Variants in SLC25A48 observed in about 807,000 individuals in gnomAD.
The protein encoded by SLC25A48 is solute carrier family 25 member 48, also known as CTC-321K16.1.
A neutral mutation model predicts 32.2 loss-of-function variants in SLC25A48; 29 were observed. The observed-to-expected ratio is 0.90, with a 90% CI of 0.67 to 1.23. The LOEUF is 1.23. SLC25A48 is among the 50% of genes most tolerant of loss of function. SLC25A48 has a pLI of 0.00. For synonymous variants in SLC25A48, 164 were observed against 172.3 expected, an observed-to-expected ratio of 0.95 and a Z score of 0.38; for missense variants, 399 against 422.7, an observed-to-expected ratio of 0.94 and a Z score of 0.49.
chr5:135,880,055 G>A lies in SLC25A48; in HGVS notation c.901G>A (p.Ala301Thr). The A allele has an allele frequency of 6.5e-7, 1 of 1,536,192 alleles. No individual in the cohort carries two copies. Among genetic ancestry groups the A allele is most frequent in the Non-Finnish European group, 8.7e-7 (1 of 1,146,900 alleles). The change falls in exon 7 of 8, where the codon GCT becomes ACT. Residue 301 changes from alanine (A) to threonine (T), a missense_variant. Coordinates refer to ENST00000681962, the MANE Select transcript of SLC25A48 (RefSeq NM_001349336.2). ...CCTTGGGTACGAGCTGTCGCTGCAG[G>A]CTATCCGCGGGGACCACGCAGTGAC... ...MFLGYELSLQ[A>T]IRGDHAVTSP
At chr5:135,700,751 G>C (rs1164580695) in intron 3 of SLC25A48, among the ~76,000 whole-genome samples, 1 of 152,196 alleles carries the variant, frequency 6.6e-6, no homozygotes, top group African/African-American at 2.4e-5. Context: ...TCAGGCTCTG[G>C]GTGCCTACCT....
chr5:135,818,127 T>G lies in SLC25A48; in HGVS notation c.-117+5201T>G, dbSNP rs182257978. On this transcript the variant is annotated intron_variant, in intron 4 of 10. Transcript: ENST00000646290. Reference sequence around the variant, plus strand: ...TCTCTCTCTCTCTCTCTCCCTCTGTTTCTGTTTCTTTCTCTCTCAGCTTTG... The same window carrying G: ...TCTCTCTCTCTCTCTCTCCCTCTGTGTCTGTTTCTTTCTCTCTCAGCTTTG... 9.0e-5 allele frequency among the ~76,000 whole-genome samples: 12 copies of G among 133,112 alleles called. No individual in the cohort carries two copies. The East Asian group carries it at 2.2e-3, about 24-fold the overall frequency. The allele number at this position is 133,112 out of a possible 152,430, so 87.3% of individuals were successfully genotyped here. A position where few individuals can be genotyped will look rare whatever the true frequency, so the allele number is the denominator to read the frequency against.
chr5:135,616,185 G>A (rs151128183), intron 1 of SLC25A48, among the ~76,000 whole-genome samples: 7 of 152,336 alleles, frequency 4.6e-5, no homozygotes, highest in African/African-American at 1.7e-4. Flanking sequence ...TGGGGTTGGA[G>A]CTCCCACATG....
At chr5:135,692,275 C>A (rs111961656) in intron 3 of SLC25A48, among the ~76,000 whole-genome samples, 47 of 146,922 alleles carry the variant, frequency 3.2e-4, no homozygotes, top group African/African-American at 9.4e-4. Context: ...GCCGAGATCA[C>A]ACCACTGCAC....
intron 3 of SLC25A48, among the ~76,000 whole-genome samples, chr5:135,667,384 G>T (rs1753549085): frequency 6.6e-6 from 1 of 152,168 alleles, no homozygotes; most frequent in Admixed American, 6.5e-5. Context: ...GTATGCCAAA[G>T]TACAATGACC....
intron 3 of SLC25A48, among the ~76,000 whole-genome samples, chr5:135,765,474 T>C (rs1447354361): frequency 6.6e-6 from 1 of 151,552 alleles, no homozygotes; most frequent in East Asian, 2.0e-4. Context: ...CACCCCCTTG[T>C]GAAATTGTTG....
chr5:135,714,313 G>C (rs143969624), intron 3 of SLC25A48, among the ~76,000 whole-genome samples: 1 of 152,174 alleles, frequency 6.6e-6, no homozygotes, highest in Non-Finnish European at 1.5e-5. Flanking sequence ...GCAGATGAGG[G>C]CTTTGTGGTC....
chr5:135,771,083 C>A (rs750722000), intron 3 of SLC25A48, among the ~76,000 whole-genome samples: 1 of 142,850 alleles, frequency 7.0e-6, no homozygotes, highest in South Asian at 2.2e-4. Flanking sequence ...AATGATATTA[C>A]TTTCAATATC....
intron 7 of SLC25A48, among the ~76,000 whole-genome samples, chr5:135,880,828 T>C (rs1762413615): frequency 6.6e-6 from 1 of 152,282 alleles, no homozygotes; most frequent in East Asian, 1.9e-4. Flanking sequence ...CCTTTCCTAC[T>C]TGTCCTTGGC....
At chr5:135,791,784 T>A (rs1757036662) in intron 3 of SLC25A48, among the ~76,000 whole-genome samples, 1 of 151,838 alleles carries the variant, frequency 6.6e-6, no homozygotes, top group East Asian at 1.9e-4. Flanking sequence ...GTGATATTAT[T>A]TGTAATACCC....
chr5:135,830,537 C>G (rs905001803), upstream of SLC25A48, among the ~76,000 whole-genome samples: 5 of 152,228 alleles, frequency 3.3e-5, no homozygotes, highest in Non-Finnish European at 7.3e-5. Context: ...GACTGCCAGC[C>G]TCAAGCTGAA....
At chr5:135,880,613 A>C (rs1762396705) in intron 7 of SLC25A48, among the ~76,000 whole-genome samples, 1 of 152,134 alleles carries the variant, frequency 6.6e-6, no homozygotes, top group Admixed American at 6.5e-5. Flanking sequence ...CAGAAAGATC[A>C]CTGTAGCCTG....
chr5:135,853,373 T>C (rs897457978), intron 4 of SLC25A48, among the ~76,000 whole-genome samples: 2 of 152,236 alleles, frequency 1.3e-5, no homozygotes, highest in Admixed American at 6.5e-5. Context: ...TTTGATGGCA[T>C]TTTACCCACA....
At chr5:135,779,522 A>ACACGCACTCTAATAAGG (rs1326006136) in intron 3 of SLC25A48, among the ~76,000 whole-genome samples, 21 of 120,868 alleles carry the variant, frequency 1.7e-4, no homozygotes, top group South Asian at 5.6e-4. Context: ...GGGGGTGTAC[A>ACACGCACTCTAATAAGG]TGCCCCCCTG....
At chr5:135,736,058 C>T (rs552110982) in intron 3 of SLC25A48, among the ~76,000 whole-genome samples, 3 of 151,672 alleles carry the variant, frequency 2.0e-5, no homozygotes, top group African/African-American at 7.3e-5. Flanking sequence ...CTCAGCCTGG[C>T]GATGAGCAGC....
At chr5:135,871,792 C>T (rs1322977829) in intron 5 of SLC25A48, 74 bp downstream of exon 5, 1 of 1,588,762 alleles carries the variant, frequency 6.3e-7, no homozygotes, top group Non-Finnish European at 8.6e-7. Context: ...ACTGCCATGC[C>T]CTTCTCAGCC....
At chr5:135,626,545 T>A (rs1752444653) in intron 1 of SLC25A48, among the ~76,000 whole-genome samples, 1 of 152,174 alleles carries the variant, frequency 6.6e-6, no homozygotes, top group African/African-American at 2.4e-5. Context: ...CCAGCATATA[T>A]GTGTGTGCAT....
At chr5:135,777,605 C>A (rs1038067566) in intron 3 of SLC25A48, among the ~76,000 whole-genome samples, 3 of 150,622 alleles carry the variant, frequency 2.0e-5, no homozygotes, top group Admixed American at 6.6e-5. Flanking sequence ...GGGCATGTAA[C>A]CGCCCCCTTG....
intron 4 of SLC25A48, among the ~76,000 whole-genome samples, chr5:135,814,147 G>A (rs1022289222): frequency 6.6e-6 from 1 of 152,206 alleles, no homozygotes; most frequent in Non-Finnish European, 1.5e-5. Context: ...TTCTCACTGA[G>A]CTGAGGGTCC....
Sources: gnomAD v4.1 joint callset for allele counts (sites outside exome capture counted in the v4.1 genomes callset) on GRCh38, gnomAD v4.1.1 for gene constraint, MANE v1.5 for transcripts, NCBI Gene and HGNC (gene_info 2026-07-23, HGNC 2026-07-21) for gene names.